Variants in SLC9C1 observed in about 807,000 individuals in gnomAD.
SLC9C1 encodes the protein solute carrier family 9 member C1, also known as sodium/hydrogen exchanger 10.
A neutral mutation model predicts 140.9 loss-of-function variants in SLC9C1; 97 were observed. The ratio of observed to expected loss-of-function variants is 0.69; its 90% CI spans 0.58 to 0.82. The LOEUF is 0.82. SLC9C1 is among the 40% of genes least tolerant of loss of function. The pLI, the probability that SLC9C1 is intolerant of heterozygous loss-of-function variation, is 0.00. For synonymous variants in SLC9C1, 440 were observed against 442.6 expected, an observed-to-expected ratio of 0.99 and a Z score of 0.07; for missense variants, 1,340 against 1,389.3, an observed-to-expected ratio of 0.96 and a Z score of 0.56.
chr3:112,195,348 C>T (rs375893741), intron 20 of SLC9C1, among the ~76,000 whole-genome samples: 1 of 152,032 alleles, frequency 6.6e-6, no homozygotes, highest in Non-Finnish European at 1.5e-5. Flanking sequence ...ATGTAGAGAT[C>T]CAGTTTCTCA....
At chr3:112,285,023 G>C (rs566675843) in intron 2 of SLC9C1, among the ~76,000 whole-genome samples, 3 of 95,520 alleles carry the variant, frequency 3.1e-5, no homozygotes, top group African/African-American at 4.3e-5. Context: ...GTCTTGCTCT[G>C]TCACCCAGGC....
At position 112,199,342 on chromosome 3, in the gene SLC9C1, A is replaced by G; in HGVS notation, c.2502T>C (p.Thr834=). Residue 834 remains threonine (T), a synonymous_variant, in exon 20 of 29, where the codon ACT becomes ACC. Transcript: ENST00000305815. ...TTACCTTATTAATTCCAGCACCTTC[A>G]GTTTTACTAATAATTCCTTTTAAGC... is the stretch of plus-strand genomic sequence containing the variant. ...AFGLKGIISK[T]EGAGINKLIM... 1.9e-6 allele frequency: 3 copies of G among 1,579,842 alleles called. No homozygotes were observed. The highest frequency in any genetic ancestry group is 2.4e-5 in the South Asian group (2 of 81,966).
At chr3:112,211,441 G>A (rs1408446772) in intron 15 of SLC9C1, among the ~76,000 whole-genome samples, 1 of 152,226 alleles carries the variant, frequency 6.6e-6, no homozygotes, top group Non-Finnish European at 1.5e-5. Context: ...AGGGGTCGGG[G>A]GATTCCCTTT....
chr3:112,283,468 C>A, intron 2 of SLC9C1, among the ~76,000 whole-genome samples: 1 of 125,720 alleles, frequency 8.0e-6, no homozygotes, highest in African/African-American at 3.1e-5. Flanking sequence ...CAGAGCAAAA[C>A]CCTATCTCTA....
intron 19 of SLC9C1, 81 bp downstream of exon 19, chr3:112,200,630 G>T: frequency 7.7e-7 from 1 of 1,291,704 alleles, no homozygotes; most frequent in East Asian, 2.4e-5. Flanking sequence ...TCAAAGATTA[G>T]CTCGAGTTAT....
chr3:112,238,399 C>T (rs929303036), intron 12 of SLC9C1, among the ~76,000 whole-genome samples: 10 of 152,146 alleles, frequency 6.6e-5, no homozygotes, highest in Admixed American at 2.6e-4. Flanking sequence ...GCGATGGGTT[C>T]GAACTTCCTC....
chr3:112,251,774 G>T (rs2079465009), intron 10 of SLC9C1, among the ~76,000 whole-genome samples: 2 of 151,874 alleles, frequency 1.3e-5, no homozygotes, highest in Admixed American at 1.3e-4. Context: ...TAGCCAGCTT[G>T]CTTTTTTACA....
At chr3:112,143,221 G>A (rs1405476091) in intron 28 of SLC9C1, among the ~76,000 whole-genome samples, 3 of 124,684 alleles carry the variant, frequency 2.4e-5, no homozygotes, top group South Asian at 3.0e-4. Context: ...TGTCTTTTTG[G>A]TAGAATAATT....
chr3:112,141,536 G>A (rs1278768770), intron 28 of SLC9C1, among the ~76,000 whole-genome samples: 1 of 152,084 alleles, frequency 6.6e-6, no homozygotes, highest in Non-Finnish European at 1.5e-5. Flanking sequence ...AAATGAACAG[G>A]CATAGTTTAT....
At chr3:112,293,803 G>C (rs1349055653) in intron 1 of SLC9C1, among the ~76,000 whole-genome samples, 1 of 152,148 alleles carries the variant, frequency 6.6e-6, no homozygotes, top group Non-Finnish European at 1.5e-5. Context: ...TTTCAGTAAC[G>C]CAAAGGGAAC....
intron 16 of SLC9C1, among the ~76,000 whole-genome samples, chr3:112,206,603 T>C (rs1056717770): frequency 6.6e-6 from 1 of 152,072 alleles, no homozygotes; most frequent in Non-Finnish European, 1.5e-5. Flanking sequence ...CAAATGTCCA[T>C]CAATGATAGA....
Position 112,169,290 on chromosome 3 carries a change from A to G in SLC9C1, c.2958T>C (p.Phe986=). The G allele has an allele frequency of 6.2e-7, 1 of 1,613,218 alleles. No individual in the cohort carries two copies. The highest frequency in any genetic ancestry group is 1.3e-5 in the African/African-American group (1 of 75,050). The change falls in exon 24 of 29, where the codon TTT becomes TTC. Residue 986 remains phenylalanine, a synonymous_variant. Coordinates refer to ENST00000305815, the MANE Select transcript of SLC9C1 (RefSeq NM_183061.3). ...FIPKTHLYDA[F]EQCSPLIKQK... is the part of the protein sequence containing the mutation. ...GTTTAATGAGAGGAGAGCATTGCTC[A>G]AAAGCATCATACAAGTGAGTTTTGG...
At chr3:112,160,420 C>G (rs1250443301) in intron 26 of SLC9C1, among the ~76,000 whole-genome samples, 1 of 121,868 alleles carries the variant, frequency 8.2e-6, no homozygotes, top group Non-Finnish European at 1.7e-5. Flanking sequence ...TCCCTTCCCC[C>G]TCCCCCCACC....
chr3:112,196,919 G>T, intron 20 of SLC9C1, among the ~76,000 whole-genome samples: 1 of 151,092 alleles, frequency 6.6e-6, no homozygotes. Context: ...TCTTTTGAAT[G>T]GGCAATACTT....
rs534415301 is a variant in SLC9C1, at chr3:112,217,043, A to T, written c.1790+399T>A. 3.9e-5 allele frequency among the ~76,000 whole-genome samples: 6 copies of T among 152,212 alleles called. No individual in the cohort carries two copies. The South Asian group carries it at 1.2e-3, about 32-fold the overall frequency. ...TGCAGCCATAAAAAGGGATGAGTTC[A>T]TGTCCTTTGTAGGGACATGGATGAA... On this transcript the variant is annotated intron_variant, in intron 15 of 28. Transcript: ENST00000305815.
chr3:112,198,476 G>A (rs2077821868), intron 20 of SLC9C1, among the ~76,000 whole-genome samples: 1 of 151,632 alleles, frequency 6.6e-6, no homozygotes, highest in Admixed American at 6.6e-5. Flanking sequence ...AATGCCACTT[G>A]TCGTTCTTCT....
chr3:112,285,494 G>A (rs2080483261), intron 2 of SLC9C1, among the ~76,000 whole-genome samples: 2 of 152,206 alleles, frequency 1.3e-5, no homozygotes, highest in African/African-American at 4.8e-5. Context: ...GCCCACCTTG[G>A]CCTCCCACAG....
At chr3:112,156,034 G>T (rs1414557752) in intron 26 of SLC9C1, among the ~76,000 whole-genome samples, 1 of 151,676 alleles carries the variant, frequency 6.6e-6, no homozygotes, top group Non-Finnish European at 1.5e-5. Flanking sequence ...CTTCTCTTCT[G>T]GCTATTTGGA....
At chr3:112,291,500 A>G (rs1013524203) in intron 1 of SLC9C1, among the ~76,000 whole-genome samples, 2 of 152,208 alleles carry the variant, frequency 1.3e-5, no homozygotes, top group African/African-American at 4.8e-5. Flanking sequence ...GCTGCCAACA[A>G]GCATATGAAA....
Sources: gnomAD v4.1 joint callset for allele counts (sites outside exome capture counted in the v4.1 genomes callset) on GRCh38, gnomAD v4.1.1 for gene constraint, MANE v1.5 for transcripts, NCBI Gene and HGNC (gene_info 2026-07-23, HGNC 2026-07-21) for gene names.